TAF8: variants seen among roughly 807,000 people sequenced by gnomAD.
TAF8 encodes the protein transcription initiation factor TFIID subunit 8.
In TAF8, 47 loss-of-function variants were observed where a neutral mutation model predicts 36.5. The ratio of observed to expected loss-of-function variants is 1.29; its 90% confidence interval spans 1.02 to 1.64. TAF8 has a LOEUF of 1.64. Among genes scored for constraint, TAF8 ranks in the 40% most tolerant of loss-of-function variants. The pLI, the probability that TAF8 is intolerant of heterozygous loss-of-function variation, is 0.00. For synonymous variants in TAF8, 175 were observed against 159.5 expected (o/e 1.10, Z -0.73); for missense variants, 420 against 407.6 (o/e 1.03, Z -0.26).
intron 1 of TAF8, 171 bp downstream of exon 1, chr6:42,050,757 T>C (rs1004645151): frequency 7.0e-6 from 7 of 993,152 alleles, no homozygotes; most frequent in Non-Finnish European, 9.9e-6. Context: ...GGCTGCGGCC[T>C]CCGGAGTTGG....
At chr6:42,066,098 G>A (rs1258276970) in intron 5 of TAF8, among the ~76,000 whole-genome samples, 2 of 152,010 alleles carry the variant, frequency 1.3e-5, no homozygotes, top group African/African-American at 2.4e-5. Context: ...ACGGGGTTTC[G>A]TTATGTTGGC....
chr6:42,079,632 G>A lies in TAF8; in HGVS notation c.*2087G>A, dbSNP rs910530546. 33 of 918,638 alleles carry A rather than the reference G, an allele frequency of 3.6e-5. No individual in the cohort carries two copies. The highest frequency in any genetic ancestry group is 5.5e-4 in the Middle Eastern group (1 of 1,814). 56.9% of individuals were successfully genotyped at this position (918,638 alleles called of 1,614,324 possible). ...AGCTGGAGTATAGTGGCACTACCTC[G>A]GCTCACTGCAACCTCCACTCCCCGG... On this transcript the variant is annotated 3_prime_UTR_variant, in exon 9 of 9. Coordinates refer to ENST00000372977, the MANE Select transcript of TAF8 (RefSeq NM_138572.3).
At chr6:42,076,005 C>T (rs987755966) in intron 7 of TAF8, among the ~76,000 whole-genome samples, 13 of 146,872 alleles carry the variant, frequency 8.9e-5, no homozygotes, top group African/African-American at 3.3e-4. Context: ...GTCAGGAGAT[C>T]GAGACCATCC....
chr6:42,056,786 A>G (rs1019330679), intron 4 of TAF8, among the ~76,000 whole-genome samples: 2 of 152,130 alleles, frequency 1.3e-5, no homozygotes, highest in Admixed American at 6.5e-5. Context: ...TTATATTTTT[A>G]GTAGAGACAG....
At chr6:42,055,762 A>C (rs1168273375) in intron 3 of TAF8, 133 bp downstream of exon 3, 1 of 804,344 alleles carries the variant, frequency 1.2e-6, no homozygotes, top group Non-Finnish European at 2.1e-6. Context: ...GAGAGTTATC[A>C]AGAGAGATTC....
chr6:42,070,218 G>T (rs1765517297), intron 7 of TAF8, among the ~76,000 whole-genome samples: 2 of 152,268 alleles, frequency 1.3e-5, no homozygotes, highest in African/African-American at 4.8e-5. Context: ...GCCGGGCGCG[G>T]TGGCTCACGT....
intron 5 of TAF8, chr6:42,063,140 C>G (rs12193078): frequency 0.085 from 12,954 of 152,180 alleles, 735 homozygotes; most frequent in East Asian, 0.25. Context: ...TTCTTTAACT[C>G]TTTTATATAG....
intron 7 of TAF8, among the ~76,000 whole-genome samples, chr6:42,071,986 A>C (rs1230045064): frequency 6.6e-6 from 1 of 152,230 alleles, no homozygotes; most frequent in African/African-American, 2.4e-5. Flanking sequence ...GCAGGAGTGT[A>C]GGAAGGCCTG....
chr6:42,051,884 T>G (rs10456113), intron 2 of TAF8: 13,819 of 162,432 alleles, frequency 0.085, 784 homozygotes, highest in East Asian at 0.25. Context: ...GAGAATCGCT[T>G]GAATCTGGGA....
chr6:42,054,731 A>G (rs912342792), intron 2 of TAF8, among the ~76,000 whole-genome samples: 2 of 151,322 alleles, frequency 1.3e-5, no homozygotes, highest in Non-Finnish European at 2.9e-5. Flanking sequence ...CAGCCTCCTG[A>G]GTAGCTGGGA....
chr6:42,086,765 A>G, downstream of TAF8: 3 of 1,550,882 alleles, frequency 1.9e-6, no homozygotes, highest in Non-Finnish European at 2.6e-6. Flanking sequence ...TAAGCTGCCA[A>G]GTGCTCCCCA....
rs1178075899 is a variant in TAF8, at chr6:42,050,560, A to AC, written c.20dup (p.Ala8SerfsTer13). 7.0e-7 allele frequency: 1 copy of AC among 1,425,946 alleles called. No homozygotes were observed. Among genetic ancestry groups the AC allele is most frequent in the African/African-American group, 1.5e-5 (1 of 68,680 alleles). The allele number at this position is 1,425,946 out of a possible 1,614,324, so 88.3% of individuals were successfully genotyped here. ...GAACAAGATGGCCGACGCGGCGGCC[A>AC]CAGCTGGGGCCGGTGGCTCCGGAAC... On this transcript the variant is annotated frameshift_variant, in exon 1 of 9. Coordinates refer to ENST00000372977, the MANE Select transcript of TAF8 (RefSeq NM_138572.3). LOFTEE classifies it high-confidence loss of function.
At chr6:42,068,435 T>C in intron 6 of TAF8, 30 bp from the exon 7 acceptor site, 1 of 1,613,210 alleles carries the variant, frequency 6.2e-7, no homozygotes, top group Non-Finnish European at 8.5e-7. Flanking sequence ...TCTGTGACAG[T>C]GGACTCATGC....
chr6:42,054,679 GCTCACTGCAAC>G (rs1425311185), intron 2 of TAF8, among the ~76,000 whole-genome samples: 1,662 of 152,070 alleles, frequency 0.011, 27 homozygotes, highest in African/African-American at 0.038. Flanking sequence ...TGCCATCTCG[GCTCACTGCAAC>G]CACCTCCACC....
At chr6:42,052,031 C>T (rs1158329560) in intron 2 of TAF8, among the ~76,000 whole-genome samples, 1 of 152,206 alleles carries the variant, frequency 6.6e-6, no homozygotes, top group Non-Finnish European at 1.5e-5. Flanking sequence ...ACTTGGTGTA[C>T]ATCATCACTC....
In TAF8 at chr6:42,065,754, A is replaced by T. The variant is rs180737180; in HGVS notation, c.490-558A>T. Among the ~76,000 whole-genome samples, 6 of 152,344 alleles carry T rather than the reference A, an allele frequency of 3.9e-5. No individual in the cohort carries two copies. The East Asian group carries it at 1.2e-3, about 29-fold the overall frequency. On this transcript the variant is annotated intron_variant, in intron 5 of 8. Transcript: ENST00000372977. ...ATGGGAGCTGAATGAAGGCTCCAAG[A>T]CAATCTCTACAGTAAATATTTGTAC...
chr6:42,076,187 A>G (rs1246137177), intron 7 of TAF8, among the ~76,000 whole-genome samples: 1 of 151,816 alleles, frequency 6.6e-6, no homozygotes, highest in East Asian at 1.9e-4. Flanking sequence ...AGCCTGGGTA[A>G]CAGAAGAAGA....
At position 42,079,759 on chromosome 6, in the gene TAF8, G is replaced by A. The variant is rs1765866449; in HGVS notation, c.*2214G>A. On this transcript the variant is annotated 3_prime_UTR_variant, in exon 9 of 9. Coordinates refer to ENST00000372977, the MANE Select transcript of TAF8 (RefSeq NM_138572.3). ...AGTAGACACGGGATTTTGCTATGTT[G>A]CCCAGGCTGGTCTTGAACTCCTGGC... 1 of 682,356 alleles carries A rather than the reference G, an allele frequency of 1.5e-6. No homozygotes were observed. The highest frequency in any genetic ancestry group is 1.8e-6 in the Non-Finnish European group (1 of 558,450). 42.3% of individuals were successfully genotyped at this position (682,356 alleles called of 1,614,324 possible).
intron 2 of TAF8, 50 bp from the exon 3 acceptor site, chr6:42,055,481 A>T: frequency 7.8e-7 from 1 of 1,283,638 alleles, no homozygotes; most frequent in Non-Finnish European, 1.1e-6. Context: ...TTCTATGTTT[A>T]ACTTTCTGAG....
Sources: allele counts gnomAD v4.1 joint callset (sites outside exome capture counted in the v4.1 genomes callset), GRCh38; gene constraint gnomAD v4.1.1; transcripts MANE v1.5; gene names NCBI Gene and HGNC (gene_info 2026-07-23, HGNC 2026-07-21).